CNTN3: variants seen among roughly 807,000 people sequenced by gnomAD.
The protein encoded by CNTN3 is contactin 3, also known as contactin-3.
In CNTN3, 60 loss-of-function variants were observed where a neutral mutation model predicts 119.1. That is an observed-to-expected ratio of 0.50 (90% confidence interval 0.41 to 0.62). CNTN3 has a LOEUF of 0.62. Among genes scored for constraint, CNTN3 ranks in the 20% least tolerant of loss-of-function variants. The pLI, the probability that CNTN3 is intolerant of heterozygous loss-of-function variation, is 0.00. For missense variants in CNTN3, 1,101 were observed against 1,242.4 expected, an observed-to-expected ratio of 0.89 and a Z score of 1.71; for synonymous variants, 450 against 438.7, an observed-to-expected ratio of 1.03 and a Z score of -0.32.
At chr3:74,328,752 TC>T (rs900190097) in intron 13 of CNTN3, among the ~76,000 whole-genome samples, 7 of 152,132 alleles carry the variant, frequency 4.6e-5, no homozygotes, top group African/African-American at 1.7e-4. Context: ...TACCCCCTTT[TC>T]CAGCTGGAAT....
intron 4 of CNTN3, among the ~76,000 whole-genome samples, chr3:74,448,994 C>T (rs1412544177): frequency 2.0e-5 from 3 of 152,012 alleles, no homozygotes; most frequent in Admixed American, 2.0e-4. Flanking sequence ...GGACACTTCC[C>T]AGCTGCTAGA....
intron 5 of CNTN3, among the ~76,000 whole-genome samples, chr3:74,401,480 CTCTT>C (rs1444351120): frequency 6.6e-6 from 1 of 152,010 alleles, no homozygotes; most frequent in South Asian, 2.1e-4. Flanking sequence ...ACTCTCTCCT[CTCTT>C]TCTCTAGTGC....
chr3:74,398,892 T>C (rs1242896780), intron 5 of CNTN3, among the ~76,000 whole-genome samples: 1 of 152,194 alleles, frequency 6.6e-6, no homozygotes, highest in African/African-American at 2.4e-5. Context: ...AACTGTTTAA[T>C]TGACACATAA....
chr3:74,495,098 A>C (rs1163209743), intron 3 of CNTN3, among the ~76,000 whole-genome samples: 2 of 152,052 alleles, frequency 1.3e-5, no homozygotes, highest in East Asian at 3.9e-4. Context: ...TTACTCTCAA[A>C]TGTGGCTGAT....
chr3:74,535,570 G>A (rs564313612), intron 1 of CNTN3, among the ~76,000 whole-genome samples: 11 of 152,174 alleles, frequency 7.2e-5, no homozygotes, highest in Admixed American at 2.0e-4. Flanking sequence ...CATATGGAGG[G>A]TGGAGACTGA....
chr3:74,268,182 G>A (rs548152694), intron 20 of CNTN3, among the ~76,000 whole-genome samples: 2 of 152,202 alleles, frequency 1.3e-5, no homozygotes, highest in East Asian at 3.9e-4. Context: ...TTTCGTGAAC[G>A]CTGGACTGTA....
chr3:74,317,720 T>C (rs1051793273), intron 13 of CNTN3, among the ~76,000 whole-genome samples: 4 of 152,202 alleles, frequency 2.6e-5, no homozygotes, highest in African/African-American at 4.8e-5. Context: ...GTTAGTCTGA[T>C]GGGCTTCCCT....
chr3:74,278,210 A>C (rs530892174), intron 20 of CNTN3, among the ~76,000 whole-genome samples: 18 of 152,188 alleles, frequency 1.2e-4, no homozygotes, highest in Admixed American at 5.2e-4. Context: ...CTACAAATTC[A>C]ATGCAAATCC....
intron 4 of CNTN3, among the ~76,000 whole-genome samples, chr3:74,441,997 G>T (rs528659250): frequency 6.6e-6 from 1 of 151,994 alleles, no homozygotes; most frequent in South Asian, 2.1e-4. Flanking sequence ...ATTACATACT[G>T]AGGTAGAAGG....
chr3:74,486,456 A>G lies in CNTN3; in HGVS notation c.358T>C (p.Tyr120His), dbSNP rs201290178. 1.6e-5 allele frequency: 25 copies of G among 1,596,478 alleles called. 2 individuals are homozygous for G. The highest frequency in any genetic ancestry group is 1.4e-4 in the South Asian group (12 of 87,130). Residue 120 changes from tyrosine to histidine, a missense_variant and splice_region_variant, in exon 4 of 23, where the codon TAT (tyrosine) becomes CAT (histidine). By Grantham distance (83) the Tyr-to-His change is moderately conservative (BLOSUM62 2). Coordinates refer to ENST00000263665, the MANE Select transcript of CNTN3 (RefSeq NM_020872.3). ...VSREAKLQFA[Y>H]LENFKTKMRS... ...GCTAGACATGTGAACATAAACTTACAGGCAAACTGAAGTTTGGCTTCTCTG... is the reference window on the plus strand; with the variant it reads ...GCTAGACATGTGAACATAAACTTACGGGCAAACTGAAGTTTGGCTTCTCTG...
At chr3:74,554,903 T>C (rs907979527) in intron 1 of CNTN3, among the ~76,000 whole-genome samples, 1 of 152,222 alleles carries the variant, frequency 6.6e-6, no homozygotes, top group Admixed American at 6.5e-5. Flanking sequence ...ATACCCTTTA[T>C]TGCTTTCCCT....
At chr3:74,265,122 A>G (rs977153632) in intron 22 of CNTN3, among the ~76,000 whole-genome samples, 10 of 152,264 alleles carry the variant, frequency 6.6e-5, no homozygotes, top group African/African-American at 2.4e-4. Flanking sequence ...GCTTGTTTCT[A>G]TTTTATGCAT....
chr3:74,588,199 G>A (rs969741647), intron 1 of CNTN3, among the ~76,000 whole-genome samples: 1 of 151,822 alleles, frequency 6.6e-6, no homozygotes, highest in East Asian at 1.9e-4. Context: ...ATTTTATTGA[G>A]GATTTTTGCA....
chr3:74,542,002 G>A (rs568354573), intron 1 of CNTN3, among the ~76,000 whole-genome samples: 61 of 152,246 alleles, frequency 4.0e-4, no homozygotes, highest in African/African-American at 1.4e-3. Context: ...GGAAGCCAAG[G>A]CAGGAGGATT....
rs541523292 is a variant in CNTN3 at position 74,451,384 on chromosome 3, G to C, written c.359-26444C>G. Among the ~76,000 whole-genome samples, 594 of 152,012 alleles carry C rather than the reference G, an allele frequency of 3.9e-3. 8 individuals carry two copies. Among genetic ancestry groups the C allele is most frequent in the African/African-American group, 0.014 (565 of 41,500 alleles). On this transcript the variant is annotated intron_variant, in intron 4 of 22. Coordinates refer to ENST00000263665, the MANE Select transcript of CNTN3 (RefSeq NM_020872.3). ...TTGTTTGTTTTTTTCTTGTAAATTT[G>C]TTTCAGTTCATTGTAGATTCTGGAT...
At chr3:74,613,799 C>G (rs1056793860) in intron 1 of CNTN3, among the ~76,000 whole-genome samples, 10 of 152,168 alleles carry the variant, frequency 6.6e-5, no homozygotes, top group African/African-American at 1.7e-4. Flanking sequence ...CAGCTGAAAC[C>G]AGGGTCCGAG....
intron 13 of CNTN3, among the ~76,000 whole-genome samples, chr3:74,306,011 TA>T (rs1051548211): frequency 1.3e-4 from 20 of 151,950 alleles, no homozygotes; most frequent in South Asian, 4.1e-4. Context: ...GTAATTAAAT[TA>T]AAATGTTATT....
chr3:74,603,760 T>G (rs1261802087), intron 1 of CNTN3, among the ~76,000 whole-genome samples: 5 of 152,068 alleles, frequency 3.3e-5, no homozygotes, highest in African/African-American at 4.8e-5. Context: ...ATCTACAGAT[T>G]CAGTGCAAGT....
chr3:74,456,914 GT>G lies in CNTN3; in HGVS notation c.358+29541del, dbSNP rs371436718. On this transcript the variant is annotated intron_variant, in intron 4 of 22. Transcript: ENST00000263665. ...CAAAATAAAATCTATTTACCAATAA[GT>G]TTTTTTTATGTACACTCCACATACT... 9.2e-3 allele frequency among the ~76,000 whole-genome samples: 1,396 copies of G among 151,860 alleles called. 16 individuals carry two copies. Among genetic ancestry groups the G allele is most frequent in the African/African-American group, 0.031 (1,299 of 41,448 alleles).
Sources: allele counts gnomAD v4.1 joint callset (sites outside exome capture counted in the v4.1 genomes callset), GRCh38; gene constraint gnomAD v4.1.1; transcripts MANE v1.5; gene names NCBI Gene and HGNC (gene_info 2026-07-23, HGNC 2026-07-21).